The following COP1 variants were observed in gnomAD, a reference collection of about 807,000 sequenced individuals.
The protein encoded by COP1 is COP1 E3 ubiquitin ligase.
COP1 carries 24 observed loss-of-function variants against 101.3 expected under a neutral mutation model. The observed-to-expected ratio is 0.24, with a 90% confidence interval of 0.17 to 0.33. COP1 has a LOEUF of 0.33. Among genes scored for constraint, COP1 ranks in the 10% least tolerant of loss-of-function variants. The probability of loss-of-function intolerance (pLI) is 1.00; values close to 1 mark genes in which losing one functional copy is unlikely to be tolerated. For missense variants in COP1, 663 were observed against 906.2 expected (o/e 0.73, Z 3.45); for synonymous variants, 347 against 341.9 (o/e 1.01, Z -0.17).
At chr1:176,149,103 T>C (rs1692024386) in intron 5 of COP1, 29 bp from the exon 6 acceptor site, 11 of 1,416,724 alleles carry the variant, frequency 7.8e-6, no homozygotes, top group Non-Finnish European at 1.1e-5. Context: ...ATTTTTCTTT[T>C]AAAAAATATA....
chr1:176,206,582 C>A lies in COP1; in HGVS notation c.397G>T (p.Asp133Tyr). 6.2e-7 allele frequency: 1 copy of A among 1,610,516 alleles called. No homozygotes were observed. The highest frequency in any genetic ancestry group is 1.1e-5 in the South Asian group (1 of 91,062). The change falls in exon 1 of 20, where the codon GAC (aspartate) becomes TAC (tyrosine). Residue 133 changes from aspartate (D) to tyrosine (Y), a missense_variant. Transcript: ENST00000367669. ...GCTCTTCAAACCCACCATACGAAGT[C>A]GTTGCTTTTGTCCTCGTAGGAGTTG... The part of the protein sequence containing the change: ...LINSYEDKSN[D>Y]FVCPICFDMI...
chr1:175,986,712 T>C (rs1657208748), intron 18 of COP1, among the ~76,000 whole-genome samples: 1 of 152,232 alleles, frequency 6.6e-6, no homozygotes, highest in Admixed American at 6.5e-5. Flanking sequence ...AACTGAGATA[T>C]GCACTAAATG....
intron 16 of COP1, 142 bp from the exon 17 acceptor site, chr1:175,988,554 C>T: frequency 1.3e-6 from 1 of 749,414 alleles, no homozygotes; most frequent in Non-Finnish European, 2.0e-6. Context: ...ATCTGTCGGC[C>T]AGGCGTGGTG....
intron 11 of COP1, among the ~76,000 whole-genome samples, chr1:176,056,951 A>C (rs1032327382): frequency 6.6e-6 from 1 of 152,100 alleles, no homozygotes; most frequent in Non-Finnish European, 1.5e-5. Flanking sequence ...TTTTGCCCTT[A>C]CTCTTCCAAT....
intron 8 of COP1, among the ~76,000 whole-genome samples, chr1:176,134,363 A>G (rs1196957906): frequency 6.6e-6 from 1 of 152,056 alleles, no homozygotes; most frequent in Admixed American, 6.6e-5. Flanking sequence ...CAGATAGCAT[A>G]TATTTCATGA....
intron 18 of COP1, among the ~76,000 whole-genome samples, chr1:175,955,766 C>CCA (rs60306255): frequency 0.012 from 1,537 of 129,274 alleles, 35 homozygotes; most frequent in African/African-American, 0.04. Flanking sequence ...TAGAGACAAA[C>CCA]CACACACACA....
rs1019315600 is a variant in COP1 at position 176,129,084 on chromosome 1, T to G, written c.968+5926A>C. Reference sequence around the variant, plus strand: ...ATTTCTTAATATAGTCCAGAAGCTATTATGCAGTATTGTTTCTTAAATATC... The same window carrying G: ...ATTTCTTAATATAGTCCAGAAGCTAGTATGCAGTATTGTTTCTTAAATATC... On this transcript the variant is annotated intron_variant, in intron 8 of 19. Transcript: ENST00000367669. Among the ~76,000 whole-genome samples the G allele has an allele frequency of 2.6e-5, 4 of 151,948 alleles. No homozygotes were observed. The East Asian group carries it at 7.7e-4, about 29-fold the overall frequency.
At chr1:176,130,448 T>C (rs1018308797) in intron 8 of COP1, among the ~76,000 whole-genome samples, 30 of 151,916 alleles carry the variant, frequency 2.0e-4, no homozygotes, top group African/African-American at 7.0e-4. Context: ...ACTTTCTTCC[T>C]TAGAATTTAA....
intron 9 of COP1, among the ~76,000 whole-genome samples, chr1:176,098,303 A>G (rs1045892942): frequency 6.6e-6 from 1 of 152,220 alleles, no homozygotes. Flanking sequence ...TATAATATGT[A>G]ATTGAAACTA....
intron 14 of COP1, among the ~76,000 whole-genome samples, chr1:176,037,886 A>G (rs1422165770): frequency 6.6e-6 from 1 of 152,184 alleles, no homozygotes; most frequent in South Asian, 2.1e-4. Context: ...CAAAGCAAGA[A>G]AGGTTCACTG....
At chr1:176,174,460 A>G (rs1696624195) in intron 3 of COP1, among the ~76,000 whole-genome samples, 1 of 152,186 alleles carries the variant, frequency 6.6e-6, no homozygotes, top group South Asian at 2.1e-4. Context: ...GTTTGCCATA[A>G]AACTTTAGCC....
At chr1:176,135,416 A>G (rs1008016118) in intron 7 of COP1, among the ~76,000 whole-genome samples, 2 of 152,118 alleles carry the variant, frequency 1.3e-5, no homozygotes, top group African/African-American at 4.8e-5. Context: ...CTATGTGAAT[A>G]GTGAACTAGC....
At chr1:176,156,581 A>C (rs1483570676) in intron 5 of COP1, among the ~76,000 whole-genome samples, 1 of 152,210 alleles carries the variant, frequency 6.6e-6, no homozygotes, top group African/African-American at 2.4e-5. Context: ...CAATGACAGA[A>C]CTAAAGTACA....
At chr1:176,009,997 A>G (rs1343692246) in intron 15 of COP1, among the ~76,000 whole-genome samples, 2 of 152,108 alleles carry the variant, frequency 1.3e-5, no homozygotes, top group African/African-American at 4.8e-5. Context: ...GGGTACAGTC[A>G]ATTACTGTTT....
Position 175,945,176 on chromosome 1 carries a change from TGGG to T in COP1, c.2179-9_2179-7del, listed in dbSNP as rs763330332. The T allele has an allele frequency of 6.4e-7, 1 of 1,568,578 alleles. No homozygotes were observed. Among genetic ancestry groups the T allele is most frequent in the Non-Finnish European group, 8.7e-7 (1 of 1,148,112 alleles). On this transcript the variant is annotated splice_polypyrimidine_tract_variant and splice_region_variant and intron_variant, in intron 19 of 19. Coordinates refer to ENST00000367669, the MANE Select transcript of COP1 (RefSeq NM_022457.7). ...CTTCATACCAATTCTAGCACCTAAT[TGGG>T]GGGAAAAAAGGATCCATTTAATAAA... is the stretch of plus-strand genomic sequence containing the variant.
At chr1:176,153,466 T>C (rs577754499) in intron 5 of COP1, among the ~76,000 whole-genome samples, 1 of 152,316 alleles carries the variant, frequency 6.6e-6, no homozygotes, top group South Asian at 2.1e-4. Flanking sequence ...TGAACTTGTT[T>C]GTCAGCTTAA....
intron 1 of COP1, among the ~76,000 whole-genome samples, chr1:176,189,611 G>T (rs1011359273): frequency 6.6e-6 from 1 of 151,674 alleles, no homozygotes; most frequent in Non-Finnish European, 1.5e-5. Context: ...CAAGCAGAAG[G>T]AATATGAAGA....
intron 15 of COP1, among the ~76,000 whole-genome samples, chr1:176,007,985 C>T (rs866197430): frequency 2.1e-4 from 32 of 152,280 alleles, no homozygotes; most frequent in African/African-American, 6.7e-4. Flanking sequence ...GCTCTGCTAG[C>T]AATCAGGGAG....
intron 11 of COP1, 117 bp from the exon 12 acceptor site, chr1:176,046,441 C>A (rs2149204666): frequency 2.3e-6 from 2 of 877,530 alleles, no homozygotes; most frequent in Non-Finnish European, 1.7e-6. Flanking sequence ...TTGTACTAGA[C>A]CTCATATCCA....
Sources: gnomAD v4.1 joint callset for allele counts (sites outside exome capture counted in the v4.1 genomes callset) on GRCh38, gnomAD v4.1.1 for gene constraint, MANE v1.5 for transcripts, NCBI Gene and HGNC (gene_info 2026-07-23, HGNC 2026-07-21) for gene names.